The following ANKRD2 variants were observed in gnomAD, a reference collection of about 807,000 sequenced individuals.
ANKRD2 encodes the protein ankyrin repeat domain 2, also known as ankyrin repeat domain-containing protein 2.
A neutral mutation model predicts 37.3 loss-of-function variants in ANKRD2; 35 were observed. The ratio of observed to expected loss-of-function variants is 0.94; its 90% CI spans 0.72 to 1.24. The LOEUF is 1.24. ANKRD2 is among the 50% of genes most tolerant of loss of function. The pLI, the probability that ANKRD2 is intolerant of heterozygous loss-of-function variation, is 0.00. For missense variants in ANKRD2, 410 were observed against 445.6 expected, an observed-to-expected ratio of 0.92 and a Z score of 0.72; for synonymous variants, 159 against 186.5, an observed-to-expected ratio of 0.85 and a Z score of 1.20.
At position 97,583,587 on chromosome 10, in the gene ANKRD2, C is replaced by A; in HGVS notation, c.864C>A (p.Thr288=). ...CCCGCCCCCTCCAGGCAGGAAAGACCCCGACGGACCTGGTGCAGCTCTGGC... is the reference window on the plus strand; with the variant it reads ...CCCGCCCCCTCCAGGCAGGAAAGACACCGACGGACCTGGTGCAGCTCTGGC... ...DMMTKNLAGK[T]PTDLVQLWQA... Residue 288 remains threonine, a synonymous_variant, in exon 9 of 9, where the codon ACC becomes ACA. Transcript: ENST00000370655. 1 of 1,603,380 alleles carries A rather than the reference C, an allele frequency of 6.2e-7. No homozygotes were observed. Among genetic ancestry groups the A allele is most frequent in the Non-Finnish European group, 8.5e-7 (1 of 1,175,808 alleles).
At chr10:97,579,290 C>T (rs1026456621) in intron 4 of ANKRD2, among the ~76,000 whole-genome samples, 10 of 150,448 alleles carry the variant, frequency 6.6e-5, no homozygotes, top group South Asian at 2.1e-4. Flanking sequence ...TTTTGTTTCT[C>T]ATGGTATAGT....
At position 97,582,599 on chromosome 10, in the gene ANKRD2, T is replaced by C; in HGVS notation, c.754-5T>C. ...GGGCCATAGTGAGTGCCACACTGAC[T>C]CTAGGAAGGGGATACTGCCCTGCAT... On this transcript the variant is annotated splice_region_variant and splice_polypyrimidine_tract_variant and intron_variant, in intron 7 of 8. Coordinates refer to ENST00000370655, the MANE Select transcript of ANKRD2 (RefSeq NM_001346793.2). 1.2e-6 allele frequency: 2 copies of C among 1,613,764 alleles called. No individual in the cohort carries two copies. Among genetic ancestry groups the C allele is most frequent in the Non-Finnish European group, 1.7e-6 (2 of 1,179,784 alleles).
At chr10:97,573,053 G>A (rs990103128) in intron 1 of ANKRD2, among the ~76,000 whole-genome samples, 178 bp downstream of exon 1, 1 of 152,200 alleles carries the variant, frequency 6.6e-6, no homozygotes, top group African/African-American at 2.4e-5. Context: ...GCTGGCAGCA[G>A]AAGACTGAGG....
Position 97,583,593 on chromosome 10 carries a change from G to C in ANKRD2, c.870G>C (p.Thr290=). 1 of 1,604,070 alleles carries C rather than the reference G, an allele frequency of 6.2e-7. No homozygotes were observed. The highest frequency in any genetic ancestry group is 8.5e-7 in the Non-Finnish European group (1 of 1,176,070). ...MTKNLAGKTP[T]DLVQLWQADT... ...CCCTCCAGGCAGGAAAGACCCCGAC[G>C]GACCTGGTGCAGCTCTGGCAGGCTG... Residue 290 remains threonine, a synonymous_variant, in exon 9 of 9, where the codon ACG becomes ACC. Coordinates refer to ENST00000370655, the MANE Select transcript of ANKRD2 (RefSeq NM_001346793.2).
rs372937894 is a variant in ANKRD2 at position 97,579,401 on chromosome 10, G to C, written c.456+796G>C. On this transcript the variant is annotated intron_variant, in intron 4 of 8. Coordinates refer to ENST00000370655, the MANE Select transcript of ANKRD2 (RefSeq NM_001346793.2). ...AGCTCACTGCAACTTTCGCCTCTTG[G>C]GCTCAAGCAATCCTCCCACTTCAGC... Among the ~76,000 whole-genome samples the C allele has an allele frequency of 2.5e-4, 37 of 150,788 alleles. No individual in the cohort carries two copies. The East Asian group carries it at 6.4e-3, about 26-fold the overall frequency.
intron 2 of ANKRD2, 96 bp from the exon 3 acceptor site, chr10:97,578,144 G>GGGCCCCCCCCCCCCCCCCCCA: frequency 5.8e-6 from 4 of 685,444 alleles, no homozygotes; most frequent in East Asian, 2.7e-5. Context: ...GGGTCTTCCT[G>GGGCCCCCCCCCCCCCCCCCCA]CCCACCCCAC....
upstream of ANKRD2, chr10:97,572,571 C>T: frequency 1.8e-6 from 2 of 1,095,096 alleles, no homozygotes; most frequent in East Asian, 2.6e-5. Context: ...GACACAGTGC[C>T]CTCCGGCTCT....
At chr10:97,579,473 ATT>A (rs1050813932) in intron 4 of ANKRD2, among the ~76,000 whole-genome samples, 1 of 148,380 alleles carries the variant, frequency 6.7e-6, no homozygotes, top group Non-Finnish European at 1.5e-5. Context: ...CTCCTGGCCT[ATT>A]TTTTTTTCAT....
Position 97,582,696 on chromosome 10 carries a change from G to A in ANKRD2, c.846G>A (p.Lys282=). 1 of 1,614,046 alleles carries A rather than the reference G, an allele frequency of 6.2e-7. No homozygotes were observed. Among genetic ancestry groups the A allele is most frequent in the Non-Finnish European group, 8.5e-7 (1 of 1,179,990 alleles). ...LLLHGADMMT[K]NLAGKTPTDL... ...TGCATGGGGCTGACATGATGACCAA[G>A]AACCTGGTAAGCTCATTCCCTCCTT... The change falls in exon 8 of 9, where the codon AAG becomes AAA. Residue 282 remains lysine (K), a synonymous_variant. Transcript: ENST00000370655.
Position 97,578,336 on chromosome 10 carries a change from A to C in ANKRD2, c.286A>C (p.Lys96Gln), listed in dbSNP as rs757771339. The C allele has an allele frequency of 7.4e-6, 12 of 1,613,390 alleles. No homozygotes were observed. The highest frequency in any genetic ancestry group is 1.0e-5 in the Non-Finnish European group (12 of 1,179,960). Reference sequence around the variant, plus strand: ...CCTCATCGAGCTGCGGAAGAAACGCAAGCAGAAGAAGCGGGACGCTCTGGC... The same window carrying C: ...CCTCATCGAGCTGCGGAAGAAACGCCAGCAGAAGAAGCGGGACGCTCTGGC... The part of the protein sequence containing the change: ...QNLIELRKKR[K>Q]QKKRDALAAS... The change falls in exon 3 of 9, where the codon AAG becomes CAG. Residue 96 changes from lysine to glutamine, a missense_variant. Physicochemically the swap from Lys to Gln is moderately conservative, Grantham distance 53. Transcript: ENST00000370655.
intron 8 of ANKRD2, 31 bp downstream of exon 8, chr10:97,582,733 T>G: frequency 6.2e-7 from 1 of 1,602,916 alleles, no homozygotes; most frequent in Non-Finnish European, 8.5e-7. Flanking sequence ...ATTCAGTCAC[T>G]GGCGTGAGCA....
At chr10:97,582,821 C>A in intron 8 of ANKRD2, 119 bp downstream of exon 8, 2 of 812,246 alleles carry the variant, frequency 2.5e-6, no homozygotes, top group Admixed American at 2.1e-5. Context: ...CTGGCCAGCA[C>A]CATAGTACAT....
rs1481563244 is a variant in ANKRD2, at chr10:97,578,575, T to C, written c.426T>C (p.Ala142=). Residue 142 remains alanine, a synonymous_variant, in exon 4 of 9, where the codon GCT becomes GCC. Coordinates refer to ENST00000370655, the MANE Select transcript of ANKRD2 (RefSeq NM_001346793.2). ...TGAAGGTCATTGAGAAGTTCCTGGCTGACGGGGGGTCAGCCGACACGTGCG... is the reference window on the plus strand; with the variant it reads ...TGAAGGTCATTGAGAAGTTCCTGGCCGACGGGGGGTCAGCCGACACGTGCG... ...GKMKVIEKFL[A]DGGSADTCDQ... is the part of the protein sequence containing the mutation. 2.6e-6 allele frequency: 4 copies of C among 1,562,662 alleles called. No individual in the cohort carries two copies. Among genetic ancestry groups the C allele is most frequent in the Non-Finnish European group, 1.7e-6 (2 of 1,153,278 alleles).
chr10:97,580,910 A>C lies in ANKRD2; in HGVS notation c.512A>C (p.Glu171Ala), dbSNP rs2040889715. The C allele has an allele frequency of 1.2e-6, 2 of 1,607,992 alleles. No individual in the cohort carries two copies. The highest frequency in any genetic ancestry group is 4.5e-5 in the East Asian group (2 of 44,708). The part of the protein sequence containing the change: ...ASLEGHMEIL[E>A]KLLDNGATVD... ...CTGGAAGGCCACATGGAAATCCTGG[A>C]GAAGCTTCTAGATAATGGGGCCACT... The change falls in exon 5 of 9, where the codon GAG becomes GCG. Residue 171 changes from glutamate (E) to alanine (A), a missense_variant. By Grantham distance (107) the Glu-to-Ala change is moderately radical (BLOSUM62 -1). Transcript: ENST00000370655.
chr10:97,579,711 C>T (rs1453503573), intron 4 of ANKRD2, among the ~76,000 whole-genome samples: 1 of 152,084 alleles, frequency 6.6e-6, no homozygotes. Context: ...CCTCAGCCTC[C>T]TGAGTAGCTG....
chr10:97,582,455 T>A (rs1277058488), intron 7 of ANKRD2, 42 bp downstream of exon 7: 12 of 1,591,694 alleles, frequency 7.5e-6, no homozygotes, highest in Non-Finnish European at 1.0e-5. Context: ...CATGGGTGTG[T>A]GGGCAGCCTG....
chr10:97,576,932 A>G (rs1485375749), intron 1 of ANKRD2, among the ~76,000 whole-genome samples: 5 of 151,856 alleles, frequency 3.3e-5, no homozygotes, highest in Admixed American at 3.3e-4. Context: ...TCCTGGGCTC[A>G]AGCAATCCAC....
chr10:97,578,277 G>C lies in ANKRD2; in HGVS notation c.227G>C (p.Arg76Pro), dbSNP rs765212446. 1.2e-6 allele frequency: 2 copies of C among 1,612,752 alleles called. No homozygotes were observed. Among genetic ancestry groups the C allele is most frequent in the African/African-American group, 1.3e-5 (1 of 74,874 alleles). The change falls in exon 3 of 9, where the codon CGG becomes CCG. Residue 76 changes from arginine to proline, a missense_variant. Arg to Pro is a moderately radical substitution (Grantham distance 103, BLOSUM62 -2). Transcript: ENST00000370655. Reference sequence around the variant, plus strand: ...GTGCGCAAGACGTCCCTGGACCTGCGGCGGGAGATCATCGATGTGGGCGGG... The same window carrying C: ...GTGCGCAAGACGTCCCTGGACCTGCCGCGGGAGATCATCGATGTGGGCGGG... ...ERVRKTSLDL[R>P]REIIDVGGIQ...
At chr10:97,582,265 A>G in intron 6 of ANKRD2, 50 bp from the exon 7 acceptor site, 1 of 1,490,672 alleles carries the variant, frequency 6.7e-7, no homozygotes, top group Non-Finnish European at 9.2e-7. Flanking sequence ...TCCCAGGGGT[A>G]CCACAGTTCA....
Sources: gnomAD v4.1 joint callset for allele counts (sites outside exome capture counted in the v4.1 genomes callset) on GRCh38, gnomAD v4.1.1 for gene constraint, MANE v1.5 for transcripts, NCBI Gene and HGNC (gene_info 2026-07-23, HGNC 2026-07-21) for gene names.